Variants in RIMKLB observed in about 807,000 individuals in gnomAD.
RIMKLB encodes the protein beta-citrylglutamate synthase B.
A neutral mutation model predicts 32.0 loss-of-function variants in RIMKLB; 7 were observed. That is an observed-to-expected ratio of 0.22 (90% CI 0.12 to 0.41). RIMKLB has a LOEUF of 0.41. Among genes scored for constraint, RIMKLB ranks in the 10% least tolerant of loss-of-function variants. RIMKLB has a pLI of 1.00. For synonymous variants in RIMKLB, 172 were observed against 185.1 expected (o/e 0.93, Z 0.57); for missense variants, 289 against 498.7 (o/e 0.58, Z 4.00).
downstream of RIMKLB, chr12:8,779,200 C>T (rs1004080847): frequency 1.3e-5 from 2 of 152,222 alleles, no homozygotes; most frequent in Admixed American, 1.3e-4. Context: ...TAAACAACCT[C>T]CAGTCAGCTG....
chr12:8,742,091 G>C (rs1947606807), intron 2 of RIMKLB, among the ~76,000 whole-genome samples: 1 of 151,298 alleles, frequency 6.6e-6, no homozygotes, highest in South Asian at 2.1e-4. Flanking sequence ...GTAGAGATGG[G>C]GTTTCACCAT....
chr12:8,725,285 T>TA (rs1486599281), intron 2 of RIMKLB, among the ~76,000 whole-genome samples: 3 of 152,050 alleles, frequency 2.0e-5, no homozygotes, highest in African/African-American at 7.3e-5. Context: ...TTTTTTTTAT[T>TA]ATTATTTTTT....
intron 5 of RIMKLB, among the ~76,000 whole-genome samples, chr12:8,772,696 C>G (rs1950507941): frequency 6.6e-6 from 1 of 152,222 alleles, no homozygotes; most frequent in Non-Finnish European, 1.5e-5. Context: ...ACACAGAGCT[C>G]TTGGAACCAA....
chr12:8,703,238 C>T (rs1256393136), intron 1 of RIMKLB, among the ~76,000 whole-genome samples: 3 of 151,974 alleles, frequency 2.0e-5, no homozygotes, highest in African/African-American at 7.3e-5. Flanking sequence ...GAGCCAAGAT[C>T]GCACCACTGC....
chr12:8,769,045 T>C (rs773434901), intron 5 of RIMKLB, among the ~76,000 whole-genome samples: 227 of 152,316 alleles, frequency 1.5e-3, no homozygotes, highest in African/African-American at 5.1e-3. Context: ...CAATTCATGT[T>C]AAACATCTTC....
At chr12:8,778,220 A>G (rs1029033570), downstream of RIMKLB, among the ~76,000 whole-genome samples, 1 of 152,224 alleles carries the variant, frequency 6.6e-6, no homozygotes, top group Non-Finnish European at 1.5e-5. Flanking sequence ...GTTGACAGGT[A>G]TGGAAAACTA....
downstream of RIMKLB, among the ~76,000 whole-genome samples, chr12:8,778,379 T>G (rs1950856853): frequency 6.6e-6 from 1 of 152,210 alleles, no homozygotes; most frequent in Non-Finnish European, 1.5e-5. Flanking sequence ...TTTAGTTCTT[T>G]TAGGAGCAAT....
At chr12:8,757,470 C>CAAAAAAAAAA (rs55670138) in intron 5 of RIMKLB, among the ~76,000 whole-genome samples, 5 of 71,410 alleles carry the variant, frequency 7.0e-5, no homozygotes, top group African/African-American at 2.5e-4. Context: ...GACCCTGTCT[C>CAAAAAAAAAA]AAAAAAAAAA....
chr12:8,698,921 C>T (rs374823101), intron 1 of RIMKLB, among the ~76,000 whole-genome samples: 5 of 151,824 alleles, frequency 3.3e-5, no homozygotes, highest in East Asian at 1.9e-4. Flanking sequence ...AAAATTTGAG[C>T]ATGATGTAAA....
chr12:8,682,710 G>T (rs907412005), intron 1 of RIMKLB, among the ~76,000 whole-genome samples: 16 of 151,354 alleles, frequency 1.1e-4, no homozygotes, highest in Middle Eastern at 3.4e-3. Context: ...AGGCGGAGCT[G>T]GCAGTGAGCC....
At chr12:8,695,856 G>A (rs1397299863), upstream of RIMKLB, among the ~76,000 whole-genome samples, 1 of 152,128 alleles carries the variant, frequency 6.6e-6, no homozygotes, top group Non-Finnish European at 1.5e-5. Context: ...ATCACGCCTG[G>A]CTAATTTTGT....
chr12:8,745,331 C>G (rs772258762), intron 2 of RIMKLB, among the ~76,000 whole-genome samples: 2 of 151,624 alleles, frequency 1.3e-5, no homozygotes, highest in Admixed American at 6.6e-5. Context: ...CTAGGTGTCC[C>G]TTTTTTACTT....
chr12:8,669,872 A>G, the RIMKLB span, among the ~76,000 whole-genome samples: 1 of 151,564 alleles, frequency 6.6e-6, no homozygotes. Flanking sequence ...CTAAAAATAC[A>G]AAAAATTAGC....
the RIMKLB span, among the ~76,000 whole-genome samples, chr12:8,676,212 A>T: frequency 6.6e-6 from 1 of 151,524 alleles, no homozygotes; most frequent in East Asian, 1.9e-4. Context: ...AGCTGGGACC[A>T]CAAGCGTATA....
chr12:8,683,605 T>C (rs188854552), intron 1 of RIMKLB, among the ~76,000 whole-genome samples: 168 of 152,342 alleles, frequency 1.1e-3, no homozygotes, highest in Non-Finnish European at 2.1e-3. Flanking sequence ...TTAGGTTAAA[T>C]TGTTGTTTTT....
At chr12:8,695,089 T>C (rs2136599339), upstream of RIMKLB, among the ~76,000 whole-genome samples, 1 of 152,330 alleles carries the variant, frequency 6.6e-6, no homozygotes, top group East Asian at 1.9e-4. Flanking sequence ...CTCATGCTGC[T>C]AGTAAATACA....
At chr12:8,717,070 CT>C (rs1196151503) in intron 2 of RIMKLB, among the ~76,000 whole-genome samples, 52 of 113,926 alleles carry the variant, frequency 4.6e-4, no homozygotes, top group Admixed American at 8.8e-4. Flanking sequence ...TTTTTTTTTT[CT>C]TTTTTTTTTT....
At chr12:8,701,027 C>T (rs1186139879) in intron 1 of RIMKLB, among the ~76,000 whole-genome samples, 2 of 152,024 alleles carry the variant, frequency 1.3e-5, no homozygotes, top group African/African-American at 2.4e-5. Flanking sequence ...AATTTTATCA[C>T]TGCACTCCAG....
chr12:8,727,974 G>A (rs74059987), intron 2 of RIMKLB, among the ~76,000 whole-genome samples: 59 of 151,816 alleles, frequency 3.9e-4, no homozygotes, highest in African/African-American at 1.4e-3. Flanking sequence ...GCATACATTC[G>A]TGGAATGCAA....
Sources: allele counts gnomAD v4.1 joint callset (sites outside exome capture counted in the v4.1 genomes callset), GRCh38; gene constraint gnomAD v4.1.1; transcripts MANE v1.5; gene names NCBI Gene and HGNC (gene_info 2026-07-23, HGNC 2026-07-21).